The following NUP98 variants were observed in gnomAD, a reference collection of about 807,000 sequenced individuals.
NUP98 encodes the protein nucleoporin 98 and 96 precursor.
NUP98 carries 26 observed loss-of-function variants against 191.9 expected under a neutral mutation model. That is an observed-to-expected ratio of 0.14 (90% CI 0.10 to 0.19). The LOEUF is 0.19. Among genes scored for constraint, NUP98 ranks in the 10% least tolerant of loss-of-function variants. The pLI is 1.00. For missense variants in NUP98, 1,941 were observed against 2,178.8 expected, an observed-to-expected ratio of 0.89 and a Z score of 2.17; for synonymous variants, 808 against 778.4, an observed-to-expected ratio of 1.04 and a Z score of -0.63.
chr11:3,764,671 C>T (rs958350533), intron 8 of NUP98, among the ~76,000 whole-genome samples: 8 of 152,154 alleles, frequency 5.3e-5, no homozygotes, highest in African/African-American at 1.9e-4. Flanking sequence ...CTCCGCCTCC[C>T]GGGTTCAAGA....
chr11:3,793,870 G>A (rs762221614), intron 1 of NUP98, among the ~76,000 whole-genome samples: 2 of 152,078 alleles, frequency 1.3e-5, no homozygotes, highest in African/African-American at 2.4e-5. Context: ...TCGGGAGGCT[G>A]AGGCAAGAGA....
intron 7 of NUP98, among the ~76,000 whole-genome samples, chr11:3,769,772 T>C (rs187543902): frequency 4.0e-5 from 6 of 151,652 alleles, no homozygotes; most frequent in East Asian, 3.9e-4. Flanking sequence ...CGGCCAGCCA[T>C]GGTGGCTCAT....
At chr11:3,680,681 G>T (rs1435050482) in intron 30 of NUP98, among the ~76,000 whole-genome samples, 2 of 151,684 alleles carry the variant, frequency 1.3e-5, no homozygotes, top group Non-Finnish European at 2.9e-5. Context: ...GAATAGCTGC[G>T]ACCACAGGTG....
At chr11:3,778,461 C>T (rs1174990545) in intron 4 of NUP98, among the ~76,000 whole-genome samples, 1 of 152,206 alleles carries the variant, frequency 6.6e-6, no homozygotes, top group Non-Finnish European at 1.5e-5. Flanking sequence ...GTCATTCCTG[C>T]TCTAGTCTCT....
chr11:3,699,005 C>G, intron 25 of NUP98, 77 bp downstream of exon 25: 6 of 1,532,378 alleles, frequency 3.9e-6, no homozygotes, highest in South Asian at 3.6e-5. Flanking sequence ...GGGAAATGCA[C>G]AATTAGCGGG....
Position 3,722,476 on chromosome 11 carries a change from T to TATAA in NUP98, c.2146+680_2146+681insTTAT, listed in dbSNP as rs537380957. On this transcript the variant is annotated intron_variant, in intron 16 of 32. Coordinates refer to ENST00000324932, the MANE Select transcript of NUP98 (RefSeq NM_016320.5). ...AAGTAACCAAATATATATATATATA[T>TATAA]AATGGCAATAAGAAAACTAAATATA... 2.4e-4 allele frequency among the ~76,000 whole-genome samples: 36 copies of TATAA among 151,864 alleles called. No homozygotes were observed. The South Asian group carries it at 6.9e-3, about 29-fold the overall frequency.
chr11:3,763,140 GA>G, intron 8 of NUP98, 101 bp from the exon 9 acceptor site: 2 of 1,077,190 alleles, frequency 1.9e-6, no homozygotes, highest in Non-Finnish European at 2.7e-6. Flanking sequence ...AAGCTTATAT[GA>G]CAGATATTAG....
At position 3,757,732 on chromosome 11, in the gene NUP98, G is replaced by C. The variant is rs181032591; in HGVS notation, c.1174+2807C>G. Among the ~76,000 whole-genome samples, 140 of 152,194 alleles carry C rather than the reference G, an allele frequency of 9.2e-4. 1 individual carries two copies. The highest frequency in any genetic ancestry group is 2.0e-3 in the African/African-American group (83 of 41,526). On this transcript the variant is annotated intron_variant, in intron 10 of 32. Transcript: ENST00000324932. ...AAGAATCGCTTGAACCCAGGAGGCA[G>C]AGGTTGCAGTGAGCTGAAATCGCGC...
At chr11:3,773,521 T>C (rs1231070531) in intron 6 of NUP98, 111 bp downstream of exon 6, 6 of 564,168 alleles carry the variant, frequency 1.1e-5, no homozygotes, top group Non-Finnish European at 1.8e-5. Flanking sequence ...ATTTTTTACA[T>C]AAACCCAAAC....
Position 3,720,832 on chromosome 11 carries a change from C to CAAAAAAA in NUP98, c.2147-14_2147-8dup. 15 of 376,190 alleles carry CAAAAAAA rather than the reference C, an allele frequency of 4.0e-5. No individual in the cohort carries two copies. The highest frequency in any genetic ancestry group is 1.8e-4 in the South Asian group (4 of 22,188). The allele number at this position is 376,190 out of a possible 1,614,324, so 23.3% of individuals were successfully genotyped here. On this transcript the variant is annotated splice_polypyrimidine_tract_variant and splice_region_variant and intron_variant, in intron 16 of 32. Transcript: ENST00000324932. ...ACCTTAGTGAGAATAATACCTGTGA[C>CAAAAAAA]AAAAAAAAAAAAAAAAACAGAAAAA...
intron 3 of NUP98, 37 bp downstream of exon 3, chr11:3,779,119 A>G: frequency 6.2e-7 from 1 of 1,613,052 alleles, no homozygotes; most frequent in Non-Finnish European, 8.5e-7. Context: ...TATACTAGCT[A>G]CAAACAAACC....
Position 3,693,225 on chromosome 11 carries a change from C to T in NUP98, c.4311+7G>A, listed in dbSNP as rs1554887194. On this transcript the variant is annotated splice_region_variant and intron_variant, in intron 27 of 32. Coordinates refer to ENST00000324932, the MANE Select transcript of NUP98 (RefSeq NM_016320.5). Reference sequence around the variant, plus strand: ...GATTTTTGCTTGGCTCTATTGGCCACATATACCTGAAATGCTTCTTCATAC... The same window carrying T: ...GATTTTTGCTTGGCTCTATTGGCCATATATACCTGAAATGCTTCTTCATAC... 2 of 1,613,876 alleles carry T rather than the reference C, an allele frequency of 1.2e-6. No individual in the cohort carries two copies. Among genetic ancestry groups the T allele is most frequent in the Non-Finnish European group, 1.7e-6 (2 of 1,179,814 alleles).
At chr11:3,738,958 C>A (rs2080178059) in intron 12 of NUP98, among the ~76,000 whole-genome samples, 2 of 151,974 alleles carry the variant, frequency 1.3e-5, no homozygotes, top group Admixed American at 1.3e-4. Flanking sequence ...AGCCACCATA[C>A]CTGAGGTTTT....
intron 4 of NUP98, among the ~76,000 whole-genome samples, chr11:3,778,061 T>C (rs546372760): frequency 6.6e-6 from 1 of 151,514 alleles, no homozygotes; most frequent in African/African-American, 2.4e-5. Context: ...TAGCCGGGCA[T>C]GGTGGCAGGC....
intron 2 of NUP98, 40 bp downstream of exon 2, chr11:3,782,002 A>T (rs1211187824): frequency 2.1e-6 from 3 of 1,402,894 alleles, no homozygotes; most frequent in East Asian, 2.3e-5. Context: ...AGTAAGGGAG[A>T]TTAAGGTTTC....
chr11:3,700,575 G>T, intron 24 of NUP98, 35 bp downstream of exon 24: 1 of 1,432,162 alleles, frequency 7.0e-7, no homozygotes, highest in Non-Finnish European at 9.8e-7. Context: ...ACTATTATTG[G>T]GACATCAAAC....
chr11:3,701,018 A>G (rs942203618), intron 23 of NUP98, among the ~76,000 whole-genome samples, 179 bp from the exon 24 acceptor site: 1 of 152,022 alleles, frequency 6.6e-6, no homozygotes, highest in African/African-American at 2.4e-5. Flanking sequence ...TATACTGGGG[A>G]AAAAAAATCA....
intron 14 of NUP98, among the ~76,000 whole-genome samples, chr11:3,729,991 C>T (rs1040269787): frequency 2.6e-5 from 4 of 152,130 alleles, no homozygotes; most frequent in Middle Eastern, 6.8e-3. Context: ...CCAGTAATCC[C>T]AGCACTTTGG....
rs546615058 is a variant in NUP98 at position 3,712,412 on chromosome 11, C to T, written c.2742+152G>A. 1.9e-4 allele frequency: 276 copies of T among 1,431,508 alleles called. 1 individual carries two copies. Among genetic ancestry groups the T allele is most frequent in the South Asian group, 1.4e-3 (89 of 63,044 alleles). 88.7% of individuals were successfully genotyped at this position (1,431,508 alleles called of 1,614,324 possible). On this transcript the variant is annotated intron_variant, in intron 20 of 32. Transcript: ENST00000324932. ...AAAGACAGATGCCTGCAAGACCTCA[C>T]GCCCTCCCTTGCACTTGTTTCAACG... is the stretch of plus-strand genomic sequence containing the variant.
Sources: gnomAD v4.1 joint callset for allele counts (sites outside exome capture counted in the v4.1 genomes callset) on GRCh38, gnomAD v4.1.1 for gene constraint, MANE v1.5 for transcripts, NCBI Gene and HGNC (gene_info 2026-07-23, HGNC 2026-07-21) for gene names.